Variants in DOCK2 observed in about 807,000 individuals in gnomAD.
The protein encoded by DOCK2 is dedicator of cytokinesis protein 2.
Under a neutral mutation model 248.9 loss-of-function variants are expected in DOCK2, and 87 were observed. That is an observed-to-expected ratio of 0.35 (90% CI 0.29 to 0.42). The LOEUF (loss-of-function observed/expected upper bound fraction) is 0.42. Ranked by LOEUF, DOCK2 falls within the 10% of genes least tolerant of loss-of-function variation. DOCK2 has a pLI of 1.00. For synonymous variants in DOCK2, 805 were observed against 821.6 expected, an observed-to-expected ratio of 0.98 and a Z score of 0.35; for missense variants, 1,747 against 2,300.2, an observed-to-expected ratio of 0.76 and a Z score of 4.92.
chr5:169,775,847 T>C (rs1249320893), intron 25 of DOCK2, among the ~76,000 whole-genome samples: 1 of 151,860 alleles, frequency 6.6e-6, no homozygotes, highest in Non-Finnish European at 1.5e-5. Flanking sequence ...AGCTGAGAGA[T>C]GCCTGCTTCT....
At chr5:169,950,735 A>G (rs954660343) in intron 27 of DOCK2, among the ~76,000 whole-genome samples, 6 of 152,182 alleles carry the variant, frequency 3.9e-5, no homozygotes, top group Non-Finnish European at 2.9e-5. Context: ...TCACAGCATC[A>G]TTTGATCTCT....
intron 27 of DOCK2, chr5:169,864,510 C>A: frequency 7.3e-7 from 1 of 1,366,534 alleles, no homozygotes; most frequent in South Asian, 1.5e-5. Flanking sequence ...TCAGCACAGA[C>A]TGATTAAGCA....
At position 169,691,888 on chromosome 5, in the gene DOCK2, G is replaced by T. The variant is rs1360215757; in HGVS notation, c.843+2555G>T. Among the ~76,000 whole-genome samples the T allele has an allele frequency of 2.0e-5, 3 of 149,044 alleles. No individual in the cohort carries two copies. In the East Asian group the frequency reaches 5.9e-4, roughly 29 times the overall value. ...ATTTTTTTTTTTGAGATGGAGTCTT[G>T]CTCTGTCGCCAGGCTGGAGTGCTGT... On this transcript the variant is annotated intron_variant, in intron 9 of 51. Coordinates refer to ENST00000520908, the MANE Select transcript of DOCK2 (RefSeq NM_004946.3).
chr5:169,892,028 AAAG>A (rs1274153918), intron 27 of DOCK2, among the ~76,000 whole-genome samples: 4 of 152,022 alleles, frequency 2.6e-5, no homozygotes, highest in African/African-American at 9.7e-5. Flanking sequence ...AGAAAAAAGA[AAAG>A]AAAAACAACA....
At position 169,677,587 on chromosome 5, in the gene DOCK2, G is replaced by T. The variant is rs184726174; in HGVS notation, c.470+3142G>T. 1.3e-4 allele frequency among the ~76,000 whole-genome samples: 20 copies of T among 152,226 alleles called. No homozygotes were observed. In the East Asian group the frequency reaches 3.9e-3, roughly 29 times the overall value. On this transcript the variant is annotated intron_variant, in intron 6 of 51. Transcript: ENST00000520908. The stretch of plus-strand genomic sequence containing the variant: ...AACCTGCTGAATATGTATGATGTTG[G>T]CCCTGTGAGGCATAAAACCCAACAT...
intron 27 of DOCK2, among the ~76,000 whole-genome samples, chr5:169,922,118 G>A (rs548563936): frequency 6.6e-5 from 10 of 152,188 alleles, no homozygotes; most frequent in East Asian, 3.9e-4. Context: ...GAGAGAGAAC[G>A]TTAACATAAA....
intron 27 of DOCK2, among the ~76,000 whole-genome samples, chr5:169,947,288 G>A (rs35392205): frequency 0.02 from 2,999 of 152,324 alleles, 107 homozygotes; most frequent in African/African-American, 0.066. Context: ...TTCCAAGATT[G>A]TGAAGAGGAG....
intron 26 of DOCK2, among the ~76,000 whole-genome samples, chr5:169,806,211 C>T (rs1163663350): frequency 6.9e-6 from 1 of 145,464 alleles, no homozygotes; most frequent in Non-Finnish European, 1.5e-5. Flanking sequence ...AGTCATATCA[C>T]CTCGAGAGTT....
chr5:170,052,796 C>G (rs1398073790), intron 41 of DOCK2, among the ~76,000 whole-genome samples: 4 of 152,146 alleles, frequency 2.6e-5, no homozygotes. Flanking sequence ...AATACTTATA[C>G]AAGTTAGGTA....
chr5:169,761,346 T>A (rs1764478102), intron 24 of DOCK2, 173 bp from the exon 25 acceptor site: 1 of 616,494 alleles, frequency 1.6e-6, no homozygotes, highest in Non-Finnish European at 2.9e-6. Flanking sequence ...CTACTAATAT[T>A]CTATACCAAG....
intron 27 of DOCK2, among the ~76,000 whole-genome samples, chr5:169,930,409 G>C (rs552540939): frequency 3.4e-4 from 52 of 152,212 alleles, no homozygotes; most frequent in Non-Finnish European, 6.9e-4. Flanking sequence ...AGGGACCTCA[G>C]AGCCTCTTAG....
chr5:169,944,130 T>C (rs918373397), intron 27 of DOCK2, among the ~76,000 whole-genome samples: 1 of 152,190 alleles, frequency 6.6e-6, no homozygotes, highest in African/African-American at 2.4e-5. Context: ...CTTTGAGGAC[T>C]GATTTTATGG....
chr5:170,024,388 T>A (rs1755834563), intron 33 of DOCK2, among the ~76,000 whole-genome samples: 1 of 119,702 alleles, frequency 8.4e-6, no homozygotes, highest in African/African-American at 3.5e-5. Context: ...TGAGACAGAG[T>A]CTTACACTCT....
intron 25 of DOCK2, among the ~76,000 whole-genome samples, chr5:169,765,658 C>T (rs922761779): frequency 6.6e-6 from 1 of 152,148 alleles, no homozygotes; most frequent in Non-Finnish European, 1.5e-5. Context: ...AGAGATTTCT[C>T]TTCAAATTTC....
chr5:169,880,118 A>T (rs2113495505), intron 27 of DOCK2, among the ~76,000 whole-genome samples: 1 of 152,346 alleles, frequency 6.6e-6, no homozygotes, highest in Middle Eastern at 3.4e-3. Flanking sequence ...ACTTCTGCTT[A>T]GGCTTTCCAA....
At chr5:169,924,967 T>C (rs73800239) in intron 27 of DOCK2, among the ~76,000 whole-genome samples, 3,708 of 152,292 alleles carry the variant, frequency 0.024, 136 homozygotes, top group African/African-American at 0.083. Context: ...CTGGGGATGT[T>C]CCAATCTTGT....
intron 27 of DOCK2, among the ~76,000 whole-genome samples, chr5:169,862,498 G>A (rs1771267847): frequency 2.0e-5 from 3 of 150,210 alleles, no homozygotes; most frequent in Admixed American, 2.0e-4. Flanking sequence ...TTGATCGTAT[G>A]GATACAGGAA....
chr5:169,714,237 CTG>C, intron 18 of DOCK2, 26 bp downstream of exon 18: 1 of 1,600,700 alleles, frequency 6.2e-7, no homozygotes, highest in South Asian at 1.1e-5. Context: ...AGAGTTGTGT[CTG>C]TGGGGAGTGT....
chr5:169,851,748 G>A (rs1438564194), intron 27 of DOCK2, among the ~76,000 whole-genome samples: 1 of 152,128 alleles, frequency 6.6e-6, no homozygotes, highest in African/African-American at 2.4e-5. Flanking sequence ...AAGCAGGGAG[G>A]TTTTACACGG....
Sources: allele counts gnomAD v4.1 joint callset (sites outside exome capture counted in the v4.1 genomes callset), GRCh38; gene constraint gnomAD v4.1.1; transcripts MANE v1.5; gene names NCBI Gene and HGNC (gene_info 2026-07-23, HGNC 2026-07-21).